KNDC1: variants seen among roughly 807,000 people sequenced by gnomAD.
KNDC1 encodes the protein kinase non-catalytic C-lobe domain-containing protein 1.
KNDC1 carries 106 observed loss-of-function variants against 172.8 expected under a neutral mutation model. That is an observed-to-expected ratio of 0.61 (90% CI 0.52 to 0.72). The LOEUF (loss-of-function observed/expected upper bound fraction) is 0.72. Ranked by LOEUF, KNDC1 falls within the 30% of genes least tolerant of loss-of-function variation. KNDC1 has a pLI of 0.00. For missense variants in KNDC1, 2,325 were observed against 2,394.5 expected, an observed-to-expected ratio of 0.97 and a Z score of 0.61; for synonymous variants, 1,083 against 1,062.2, an observed-to-expected ratio of 1.02 and a Z score of -0.38.
In KNDC1 at chr10:133,201,740, C is replaced by T. The variant is rs766748375; in HGVS notation, c.3229C>T (p.Pro1077Ser). The change falls in exon 17 of 30, where the codon CCA becomes TCA. Residue 1077 changes from proline to serine, a missense_variant. Transcript: ENST00000304613. ...ACTGGCCAGGTCCAAAGGGGTCGGC[C>T]CAGCCTTGTCCCCCGGCCCAGCCGG... is the stretch of plus-strand genomic sequence containing the variant. ...TRLARSKGVG[P>S]ALSPGPAGFQ... 3.8e-6 allele frequency: 6 copies of T among 1,583,054 alleles called. No homozygotes were observed. In the South Asian group the frequency reaches 5.7e-5, roughly 15 times the overall value.
At chr10:133,205,259 G>A (rs975961994) in intron 17 of KNDC1, among the ~76,000 whole-genome samples, 7 of 152,216 alleles carry the variant, frequency 4.6e-5, no homozygotes, top group Admixed American at 3.9e-4. Context: ...GGGACAACGC[G>A]GCGCCCTCTC....
At chr10:133,187,870 G>A (rs945424333) in intron 6 of KNDC1, among the ~76,000 whole-genome samples, 1 of 151,576 alleles carries the variant, frequency 6.6e-6, no homozygotes, top group Non-Finnish European at 1.5e-5. Flanking sequence ...CAGCCCACAC[G>A]AAACCCCAAC....
chr10:133,202,705 AC>A (rs1180127606), intron 17 of KNDC1: 4 of 456,180 alleles, frequency 8.8e-6, no homozygotes, highest in Non-Finnish European at 1.8e-5. Flanking sequence ...GCACTTTATG[AC>A]TCAGTCCAGA....
At chr10:133,177,822 G>T (rs1268096957) in intron 3 of KNDC1, among the ~76,000 whole-genome samples, 2 of 151,864 alleles carry the variant, frequency 1.3e-5, no homozygotes, top group Non-Finnish European at 2.9e-5. Context: ...CATGTTTGTG[G>T]TGTAATGTGT....
chr10:133,220,767 A>T (rs1308209226), intron 29 of KNDC1, among the ~76,000 whole-genome samples: 2 of 118,878 alleles, frequency 1.7e-5, no homozygotes, highest in Non-Finnish European at 3.6e-5. Flanking sequence ...GGAGGGGCTC[A>T]GGCGGCCGCG....
At chr10:133,202,834 C>T (rs998104669) in intron 17 of KNDC1, 82 of 350,366 alleles carry the variant, frequency 2.3e-4, no homozygotes, top group Non-Finnish European at 4.0e-4. Flanking sequence ...ACAGCCTCTG[C>T]ACCTGCATCT....
rs368551158 is a variant in KNDC1, at chr10:133,201,629, G to T, written c.3118G>T (p.Val1040Leu). Residue 1040 changes from valine to leucine, a missense_variant, in exon 17 of 30, where the codon GTA becomes TTA. Physicochemically the swap from Val to Leu is conservative, Grantham distance 32. Coordinates refer to ENST00000304613, the MANE Select transcript of KNDC1 (RefSeq NM_152643.8). The part of the protein sequence containing the change: ...FEVGFRPQRS[V>L]KAERAQQPEA... ...GGTGGGGTTTCGGCCTCAGAGGTCC[G>T]TAAAAGCCGAGAGAGCGCAGCAGCC... is the stretch of plus-strand genomic sequence containing the variant. 2 of 1,613,082 alleles carry T rather than the reference G, an allele frequency of 1.2e-6. No individual in the cohort carries two copies. Among genetic ancestry groups the T allele is most frequent in the Non-Finnish European group, 1.7e-6 (2 of 1,179,964 alleles).
rs1301130744 is a variant in KNDC1 at position 133,160,583 on chromosome 10, C to T, written c.102+14C>T. 4 of 1,542,484 alleles carry T rather than the reference C, an allele frequency of 2.6e-6. No individual in the cohort carries two copies. The highest frequency in any genetic ancestry group is 3.5e-6 in the Non-Finnish European group (4 of 1,140,286). ...CCCGAGGACGAGGTGAGCCCCCGGC[C>T]CCACTGGGGGGCCCCTTCCGCCGCC... On this transcript the variant is annotated intron_variant, in intron 1 of 29. Coordinates refer to ENST00000304613, the MANE Select transcript of KNDC1 (RefSeq NM_152643.8).
Position 133,199,117 on chromosome 10 carries a change from C to A in KNDC1, c.2609C>A (p.Ala870Glu). 6.2e-7 allele frequency: 1 copy of A among 1,608,124 alleles called. No homozygotes were observed. ...AGTGTCCCAGAGAGGCCGCGGCCCGCAGACCGGAGGCTCTGTCTGCCCTGC... is the reference window on the plus strand; with the variant it reads ...AGTGTCCCAGAGAGGCCGCGGCCCGAAGACCGGAGGCTCTGTCTGCCCTGC... ...PDSVPERPRP[A>E]DRRLCLPCVD... The change falls in exon 14 of 30, where the codon GCA becomes GAA. Residue 870 changes from alanine (A) to glutamate (E), a missense_variant. Transcript: ENST00000304613.
intron 25 of KNDC1, 45 bp downstream of exon 25, chr10:133,213,772 C>T (rs752630381): frequency 3.6e-5 from 56 of 1,571,840 alleles, no homozygotes; most frequent in Admixed American, 1.7e-4. Flanking sequence ...TGGAGGGTCT[C>T]GGGGGCTTCC....
intron 24 of KNDC1, 23 bp from the exon 25 acceptor site, chr10:133,213,614 CCTGAACCT>C: frequency 6.2e-7 from 1 of 1,604,336 alleles, no homozygotes; most frequent in Non-Finnish European, 8.5e-7. Context: ...GGGATGGAAG[CCTGAACCT>C]CTTGTTTCCA....
rs572294185 is a variant in KNDC1, at chr10:133,201,787, C to T, written c.3276C>T (p.Gly1092=). Residue 1092 remains glycine, a synonymous_variant, in exon 17 of 30, where the codon GGC becomes GGT. Coordinates refer to ENST00000304613, the MANE Select transcript of KNDC1 (RefSeq NM_152643.8). ...GPAGFQSCSP[G]WCSAFYEADC... ...CCGGATTCCAGAGCTGCAGCCCCGG[C>T]TGGTGCAGCGCCTTCTACGAGGCCG... The T allele has an allele frequency of 2.7e-5, 42 of 1,541,304 alleles. No homozygotes were observed. The East Asian group carries it at 8.9e-4, about 33-fold the overall frequency.
Position 133,197,062 on chromosome 10 carries a change from G to A in KNDC1, c.1739G>A (p.Cys580Tyr), listed in dbSNP as rs1350474832. ...RPSAAEAIKVCGSYLLQRGMD... is the reference protein window; with the variant it reads ...RPSAAEAIKVYGSYLLQRGMD... The stretch of plus-strand genomic sequence containing the variant: ...TGAACTGTCTCCTCCCTCCAGGTGT[G>A]CGGCAGCTACCTCCTCCAGCGAGGC... Residue 580 changes from cysteine (C) to tyrosine (Y), a missense_variant, in exon 11 of 30, where the codon TGC (cysteine) becomes TAC (tyrosine). Physicochemically the swap from Cys to Tyr is radical, Grantham distance 194. Transcript: ENST00000304613. 1 of 1,612,926 alleles carries A rather than the reference G, an allele frequency of 6.2e-7. No homozygotes were observed. The highest frequency in any genetic ancestry group is 8.5e-7 in the Non-Finnish European group (1 of 1,179,624).
chr10:133,177,416 G>A (rs560623275), intron 3 of KNDC1, among the ~76,000 whole-genome samples: 26 of 147,472 alleles, frequency 1.8e-4, no homozygotes, highest in African/African-American at 2.4e-4. Context: ...TCAAGCACAC[G>A]TGTATGATGG....
At chr10:133,194,353 G>A (rs1440230820) in intron 9 of KNDC1, among the ~76,000 whole-genome samples, 1 of 152,184 alleles carries the variant, frequency 6.6e-6, no homozygotes, top group African/African-American at 2.4e-5. Flanking sequence ...ATAGAACTGA[G>A]TGAAAATGAA....
In KNDC1 at chr10:133,175,188, GTGGATGGGTGCATGGTGGATATGTGGA is replaced by G. The variant is rs1348280995; in HGVS notation, c.360+6887_360+6913del. ...GGTGGATATGTGGATGGATGAGTGG[GTGGATGGGTGCATGGTGGATATGTGGA>G]TGGATGGGTGGATGAACAAATGGAT... On this transcript the variant is annotated intron_variant, in intron 3 of 29. Transcript: ENST00000304613. Among the ~76,000 whole-genome samples the G allele has an allele frequency of 6.7e-4, 94 of 139,386 alleles. 1 individual carries two copies. Among genetic ancestry groups the G allele is most frequent in the East Asian group, 2.1e-4 (1 of 4,812 alleles). The allele number at this position is 139,386 out of a possible 152,430, so 91.4% of individuals were successfully genotyped here. A position where few individuals can be genotyped will look rare whatever the true frequency, so the allele number is the denominator to read the frequency against.
At chr10:133,171,164 C>T (rs1444951454) in intron 3 of KNDC1, among the ~76,000 whole-genome samples, 1 of 152,218 alleles carries the variant, frequency 6.6e-6, no homozygotes, top group Non-Finnish European at 1.5e-5. Flanking sequence ...CCTGAAGTTA[C>T]TTTAACGTTG....
intron 5 of KNDC1, among the ~76,000 whole-genome samples, chr10:133,184,408 A>G (rs61860632): frequency 1.2e-5 from 1 of 86,342 alleles, no homozygotes; most frequent in Non-Finnish European, 2.5e-5. Context: ...ACACACGCAC[A>G]CACCCACTCA....
chr10:133,184,138 C>G, intron 5 of KNDC1, 149 bp downstream of exon 5: 1 of 484,910 alleles, frequency 2.1e-6, no homozygotes, highest in Non-Finnish European at 3.7e-6. Flanking sequence ...ACACACATGC[C>G]ACACACACCC....
Sources: gnomAD v4.1 joint callset for allele counts (sites outside exome capture counted in the v4.1 genomes callset) on GRCh38, gnomAD v4.1.1 for gene constraint, MANE v1.5 for transcripts, NCBI Gene and HGNC (gene_info 2026-07-23, HGNC 2026-07-21) for gene names.